The following NBEA variants were observed in gnomAD, a reference collection of about 807,000 sequenced individuals.
NBEA encodes neurobeachin, also known as lysosomal-trafficking regulator 2.
A neutral mutation model predicts 343.4 loss-of-function variants in NBEA; 44 were observed. The ratio of observed to expected loss-of-function variants is 0.13; its 90% CI spans 0.10 to 0.16. The LOEUF (loss-of-function observed/expected upper bound fraction) is 0.16, where lower values mean the gene tolerates loss of function less well. Ranked by LOEUF, NBEA falls within the 10% of genes least tolerant of loss-of-function variation. The pLI is 1.00. For missense variants in NBEA, 2,555 were observed against 3,631.3 expected, an observed-to-expected ratio of 0.70 and a Z score of 7.62; for synonymous variants, 1,175 against 1,238.7, an observed-to-expected ratio of 0.95 and a Z score of 1.08.
chr13:35,333,782 G>A (rs1265423612), intron 36 of NBEA, among the ~76,000 whole-genome samples: 6 of 152,060 alleles, frequency 3.9e-5, no homozygotes, highest in East Asian at 3.9e-4. Flanking sequence ...ACAAATGAGT[G>A]AGAACATGCT....
In NBEA at chr13:34,942,710, G is replaced by T; in HGVS notation, c.-111G>T. 1.2e-6 allele frequency: 1 copy of T among 841,960 alleles called. No homozygotes were observed. Among genetic ancestry groups the T allele is most frequent in the Non-Finnish European group, 1.6e-6 (1 of 633,862 alleles). The allele number at this position is 841,960 out of a possible 1,614,324, so 52.2% of individuals were successfully genotyped here. ...GAGCGGGCCCGGCGCCGCGGCGCTG[G>T]TGGATGCTGGGGCTCCGAGGCGACG... On this transcript the variant is annotated 5_prime_UTR_variant, in exon 1 of 59. Coordinates refer to ENST00000379939, the MANE Select transcript of NBEA (RefSeq NM_001385012.1).
intron 45 of NBEA, among the ~76,000 whole-genome samples, chr13:35,571,401 T>C (rs1261554196): frequency 1.3e-5 from 2 of 152,162 alleles, no homozygotes; most frequent in Non-Finnish European, 2.9e-5. Context: ...ATGAAAAGAA[T>C]GTAGGCTTCG....
rs3075505 is a variant in NBEA, at chr13:35,541,725, GGTGTGTGTGTGT to G, written c.6586-8727_6586-8716del. Among the ~76,000 whole-genome samples the G allele has an allele frequency of 5.5e-4, 80 of 145,230 alleles. 4 individuals are homozygous for G. The South Asian group carries it at 0.016, about 29-fold the overall frequency. On this transcript the variant is annotated intron_variant, in intron 41 of 58. Coordinates refer to ENST00000379939, the MANE Select transcript of NBEA (RefSeq NM_001385012.1). ...AAGATTAGAACCAGAGGTCTGCATGGGTGTGTGTGTGTGTGTGTGTGTGTGTGTGTGTGTGTA... is the reference window on the plus strand; with the variant it reads ...AAGATTAGAACCAGAGGTCTGCATGGGTGTGTGTGTGTGTGTGTGTGTGTA...
chr13:35,597,869 G>C (rs2081879286), intron 47 of NBEA, among the ~76,000 whole-genome samples: 1 of 152,166 alleles, frequency 6.6e-6, no homozygotes, highest in African/African-American at 2.4e-5. Context: ...AGTAGACACG[G>C]ACTCCACTTC....
chr13:35,121,497 A>G (rs958118163), intron 16 of NBEA, among the ~76,000 whole-genome samples: 5 of 146,860 alleles, frequency 3.4e-5, no homozygotes, highest in African/African-American at 1.3e-4. Flanking sequence ...TTTTTTTTTG[A>G]CATGTCTGAC....
chr13:35,185,450 A>G (rs943440689), intron 30 of NBEA: 2 of 152,158 alleles, frequency 1.3e-5, no homozygotes, highest in African/African-American at 4.8e-5. Flanking sequence ...GAACAGCATG[A>G]TGAAATGAAG....
At chr13:35,347,304 C>T (rs569670079) in intron 36 of NBEA, among the ~76,000 whole-genome samples, 1 of 151,402 alleles carries the variant, frequency 6.6e-6, no homozygotes, top group Non-Finnish European at 1.5e-5. Context: ...TTTATGAAAA[C>T]TTGAGCAAAA....
chr13:35,554,812 G>A (rs1214477714), intron 43 of NBEA, among the ~76,000 whole-genome samples, 175 bp from the exon 44 acceptor site: 1 of 151,988 alleles, frequency 6.6e-6, no homozygotes, highest in Non-Finnish European at 1.5e-5. Flanking sequence ...CTCTATAATA[G>A]AATTCTCAAA....
chr13:35,616,979 T>C (rs1477651237), intron 48 of NBEA, among the ~76,000 whole-genome samples: 2 of 152,244 alleles, frequency 1.3e-5, no homozygotes, highest in Non-Finnish European at 2.9e-5. Context: ...CACTAGGAAC[T>C]GTAAGGATTC....
At chr13:35,009,481 G>A (rs1400660704) in intron 1 of NBEA, among the ~76,000 whole-genome samples, 1 of 152,088 alleles carries the variant, frequency 6.6e-6, no homozygotes, top group Non-Finnish European at 1.5e-5. Context: ...GGAACAGAAA[G>A]TATAAAGACC....
intron 48 of NBEA, among the ~76,000 whole-genome samples, chr13:35,616,882 C>T (rs7333405): frequency 0.22 from 34,166 of 152,086 alleles, 4,040 homozygotes; most frequent in Non-Finnish European, 0.24. Context: ...GATAAGCAGA[C>T]TTTATTCAAA....
chr13:35,358,212 C>T (rs952207358), intron 38 of NBEA, among the ~76,000 whole-genome samples: 7 of 151,048 alleles, frequency 4.6e-5, no homozygotes, highest in East Asian at 4.0e-4. Flanking sequence ...TTGGTAGAGG[C>T]GGGGTTTCAC....
intron 1 of NBEA, among the ~76,000 whole-genome samples, chr13:34,944,148 TA>T (rs747809955): frequency 6.6e-6 from 1 of 152,234 alleles, no homozygotes; most frequent in Non-Finnish European, 1.5e-5. Flanking sequence ...TGACATACTG[TA>T]AGGTTGGGCT....
intron 13 of NBEA, among the ~76,000 whole-genome samples, chr13:35,112,258 C>A (rs1750617334): frequency 6.6e-6 from 1 of 151,840 alleles, no homozygotes; most frequent in African/African-American, 2.4e-5. Context: ...ATACTCAGAT[C>A]TGTTGTTTTG....
chr13:35,578,413 T>C (rs182102805), intron 45 of NBEA, among the ~76,000 whole-genome samples: 10 of 152,226 alleles, frequency 6.6e-5, no homozygotes, highest in Admixed American at 6.5e-4. Context: ...ACCAGCACTT[T>C]GGGGAGGCCA....
chr13:35,352,340 T>A lies in NBEA; in HGVS notation c.6179+17T>A. ...TTCTCATAGGTGAGTTATAATAAAT[T>A]CGAGTAAATAATAATTCATAGGTTA... On this transcript the variant is annotated intron_variant, in intron 38 of 58. Coordinates refer to ENST00000379939, the MANE Select transcript of NBEA (RefSeq NM_001385012.1). 7.3e-6 allele frequency: 10 copies of A among 1,367,962 alleles called. No individual in the cohort carries two copies. Among genetic ancestry groups the A allele is most frequent in the Non-Finnish European group, 9.7e-6 (10 of 1,030,642 alleles). The allele number at this position is 1,367,962 out of a possible 1,614,324, so 84.7% of individuals were successfully genotyped here. A position where few individuals can be genotyped will look rare whatever the true frequency, so the allele number is the denominator to read the frequency against.
At chr13:35,419,066 A>G (rs2044121225) in intron 38 of NBEA, among the ~76,000 whole-genome samples, 1 of 152,030 alleles carries the variant, frequency 6.6e-6, no homozygotes, top group Non-Finnish European at 1.5e-5. Flanking sequence ...TACATGAAAC[A>G]TGGTTTGTGT....
chr13:35,422,823 T>TGA (rs777048492), intron 38 of NBEA, among the ~76,000 whole-genome samples: 4 of 152,182 alleles, frequency 2.6e-5, no homozygotes, highest in Non-Finnish European at 4.4e-5. Flanking sequence ...TTTCCTGACT[T>TGA]TTTAATGATC....
chr13:35,265,524 C>T (rs867333427), intron 34 of NBEA, among the ~76,000 whole-genome samples: 3 of 151,724 alleles, frequency 2.0e-5, no homozygotes, highest in African/African-American at 7.3e-5. Flanking sequence ...GACATACATA[C>T]CAATAGGATA....
Sources: allele counts gnomAD v4.1 joint callset (sites outside exome capture counted in the v4.1 genomes callset), GRCh38; gene constraint gnomAD v4.1.1; transcripts MANE v1.5; gene names NCBI Gene and HGNC (gene_info 2026-07-23, HGNC 2026-07-21).